Variants in ACTN3 observed in about 807,000 individuals in gnomAD.
The protein encoded by ACTN3 is actinin alpha 3.
Under a neutral mutation model 119.6 loss-of-function variants are expected in ACTN3, and 91 were observed. The ratio of observed to expected loss-of-function variants is 0.76; its 90% CI spans 0.64 to 0.91. ACTN3 has a LOEUF of 0.91. Ranked by LOEUF, ACTN3 falls within the 40% of genes least tolerant of loss-of-function variation. The probability of loss-of-function intolerance (pLI) is 0.00; values close to 1 mark genes in which losing one functional copy is unlikely to be tolerated. For missense variants in ACTN3, 1,221 were observed against 1,215.1 expected (o/e 1.00, Z -0.07); for synonymous variants, 456 against 478.8 (o/e 0.95, Z 0.62).
chr11:66,562,814 C>T lies in ACTN3; in HGVS notation c.2407C>T (p.Arg803Cys), dbSNP rs187702310. 6.7e-5 allele frequency: 108 copies of T among 1,610,578 alleles called. No homozygotes were observed. The Admixed American group carries it at 1.3e-3, about 19-fold the overall frequency. Residue 803 changes from arginine to cysteine, a missense_variant, in exon 20 of 21, where the codon CGC (arginine) becomes TGC (cysteine). By Grantham distance (180) the Arg-to-Cys change is radical. This residue lies in a region of ACTN3 where 934 missense variants were observed against 899.9 expected (regional missense o/e 1.04). Coordinates refer to ENST00000513398, the MANE Select transcript of ACTN3 (RefSeq NM_001104.4). ...GYDLGEVEFA[R>C]IMTMVDPNAA... ...CCTGCAGGGGGAAGTGGAGTTTGCT[C>T]GCATCATGACCATGGTGGACCCCAA...
intron 1 of ACTN3, among the ~76,000 whole-genome samples, chr11:66,549,235 A>G (rs1481904482): frequency 6.6e-6 from 1 of 152,156 alleles, no homozygotes; most frequent in Non-Finnish European, 1.5e-5. Flanking sequence ...CCCCTGCCTG[A>G]AATGCCCTTG....
intron 3 of ACTN3, 118 bp from the exon 4 acceptor site, chr11:66,553,927 C>G: frequency 1.5e-6 from 1 of 674,796 alleles, no homozygotes; most frequent in Non-Finnish European, 2.5e-6. Context: ...CTACTAGGTG[C>G]CAGCCCTGAA....
chr11:66,546,659 T>C (rs1590801066), upstream of ACTN3: 1 of 1,530,480 alleles, frequency 6.5e-7, no homozygotes, highest in Non-Finnish European at 8.8e-7. Flanking sequence ...AGAGGTCCCG[T>C]GGATTTCTCA....
intron 11 of ACTN3, chr11:66,558,946 G>T: frequency 3.0e-6 from 1 of 329,170 alleles, no homozygotes; most frequent in Non-Finnish European, 5.5e-6. Context: ...AGGGGCTCAT[G>T]GGGGTTACAG....
Position 66,562,135 on chromosome 11 carries a change from C to T in ACTN3, c.2289C>T (p.Asn763=), listed in dbSNP as rs377029613. The T allele has an allele frequency of 9.9e-6, 16 of 1,613,944 alleles. No homozygotes were observed. Among genetic ancestry groups the T allele is most frequent in the African/African-American group, 6.7e-5 (5 of 74,918 alleles). The change falls in exon 18 of 21, where the codon AAC becomes AAT. Residue 763 remains asparagine, a synonymous_variant. Coordinates refer to ENST00000513398, the MANE Select transcript of ACTN3 (RefSeq NM_001104.4). Reference sequence around the variant, plus strand: ...AGGGACTGAGCCAGGAGCAGCTCAACGAGTTCCGAGCATCCTTCAACCACT... The same window carrying T: ...AGGGACTGAGCCAGGAGCAGCTCAATGAGTTCCGAGCATCCTTCAACCACT... The part of the protein sequence containing the change: ...DAKGLSQEQL[N]EFRASFNHFD...
chr11:66,555,116 TTCTC>T lies in ACTN3; in HGVS notation c.558-10_558-7del. ...CTTGAACCCAGGCCTGACCCCCCTCTTCTCTCTGTCCAGCTGGAAGGATGGCCTG... is the reference window on the plus strand; with the variant it reads ...CTTGAACCCAGGCCTGACCCCCCTCTTCTGTCCAGCTGGAAGGATGGCCTG... On this transcript the variant is annotated splice_polypyrimidine_tract_variant and intron_variant, in intron 5 of 20. Transcript: ENST00000513398. The T allele has an allele frequency of 6.2e-7, 1 of 1,613,666 alleles. No homozygotes were observed. Among genetic ancestry groups the T allele is most frequent in the Non-Finnish European group, 8.5e-7 (1 of 1,179,772 alleles).
upstream of ACTN3, chr11:66,546,699 G>A: frequency 1.3e-6 from 2 of 1,534,650 alleles, no homozygotes; most frequent in Non-Finnish European, 1.7e-6. Context: ...CAGCGGAGCA[G>A]GAATGCAAAC....
At position 66,558,062 on chromosome 11, in the gene ACTN3, G is replaced by A. The variant is rs753091690; in HGVS notation, c.1164G>A (p.Val388=). The change falls in exon 11 of 21, where the codon GTG becomes GTA. Residue 388 remains valine, a synonymous_variant. Transcript: ENST00000513398. ...IANAWRGLEQ[V]EKGYEDWLLS... is the part of the protein sequence containing the mutation. ...ACGCCTGGCGGGGGCTGGAGCAGGTGGAAAAGGGCTATGAGGACTGGCTGC... is the reference window on the plus strand; with the variant it reads ...ACGCCTGGCGGGGGCTGGAGCAGGTAGAAAAGGGCTATGAGGACTGGCTGC... 17 of 1,613,784 alleles carry A rather than the reference G, an allele frequency of 1.1e-5. No homozygotes were observed. Among genetic ancestry groups the A allele is most frequent in the African/African-American group, 2.7e-5 (2 of 74,946 alleles).
Position 66,551,305 on chromosome 11 carries a change from G to A in ACTN3, c.214G>A (p.Asp72Asn). 1.2e-6 allele frequency: 2 copies of A among 1,612,288 alleles called. No homozygotes were observed. The highest frequency in any genetic ancestry group is 1.7e-6 in the Non-Finnish European group (2 of 1,179,200). ...CACCCAGATCGAGAACATCGAGGAA[G>A]ATTTCCGCAATGGCCTCAAACTCAT... Reference protein sequence around the residue: ...AGTQIENIEEDFRNGLKLMLL... With the variant: ...AGTQIENIEENFRNGLKLMLL... Residue 72 changes from aspartate to asparagine, a missense_variant, in exon 2 of 21, where the codon GAT (aspartate) becomes AAT (asparagine). Physicochemically the swap from Asp to Asn is conservative, Grantham distance 23 (BLOSUM62 1). Transcript: ENST00000513398.
intron 3 of ACTN3, 21 bp downstream of exon 3, chr11:66,551,668 G>A: frequency 1.2e-6 from 2 of 1,612,692 alleles, no homozygotes; most frequent in East Asian, 2.2e-5. Flanking sequence ...GGCAGGAAGG[G>A]TCTTGGGCAG....
chr11:66,549,174 C>T (rs1857422833), intron 1 of ACTN3, among the ~76,000 whole-genome samples: 1 of 152,224 alleles, frequency 6.6e-6, no homozygotes, highest in African/African-American at 2.4e-5. Flanking sequence ...TGTAGTCTGA[C>T]AAATGTAGCA....
intron 2 of ACTN3, 81 bp from the exon 3 acceptor site, chr11:66,551,447 G>T: frequency 1.3e-6 from 2 of 1,569,764 alleles, no homozygotes; most frequent in Non-Finnish European, 1.7e-6. Flanking sequence ...ACGGGACTTG[G>T]TGGGGAGGGG....
rs759411497 is a variant in ACTN3 at position 66,557,892 on chromosome 11, G to A, written c.1091G>A (p.Arg364Gln). 1.3e-5 allele frequency: 21 copies of A among 1,614,048 alleles called. No individual in the cohort carries two copies. The highest frequency in any genetic ancestry group is 1.6e-4 in the Middle Eastern group (1 of 6,062). The change falls in exon 10 of 21, where the codon CGG (arginine) becomes CAG (glutamine). Residue 364 changes from arginine (R) to glutamine (Q), a missense_variant. Transcript: ENST00000513398. ...TLQTKLRLSH[R>Q]PAFMPSEGKL... ...CAGACCAAGTTGCGGCTCAGCCACC[G>A]GCCTGCCTTCATGCCCTCCGAGGGC...
chr11:66,560,612 C>A lies in ACTN3; in HGVS notation c.1717C>A (p.Pro573Thr). The change falls in exon 15 of 21, where the codon CCC (proline) becomes ACC (threonine). Residue 573 changes from proline (P) to threonine (T), a missense_variant. Physicochemically the swap from Pro to Thr is conservative, Grantham distance 38. Around this residue, in one of 3 missense-constraint regions of ACTN3, gnomAD observed 934 missense variants for 899.9 expected, o/e 1.04. Transcript: ENST00000513398. ...TAHDQFKATLPEADRERGAIM... is the reference protein window; with the variant it reads ...TAHDQFKATLTEADRERGAIM... ...GCACGATCAGTTCAAGGCAACACTG[C>A]CCGAGGCTGACCGAGAGCGAGGTGC... The A allele has an allele frequency of 6.2e-7, 1 of 1,613,560 alleles. No individual in the cohort carries two copies. The highest frequency in any genetic ancestry group is 8.5e-7 in the Non-Finnish European group (1 of 1,179,836).
Position 66,557,157 on chromosome 11 carries a change from T to C in ACTN3, c.829T>C (p.Cys277Arg). ...EQAETAANRI[C>R]KVLAVNQENE... ...GGCAGAGACAGCTGCCAACAGGATC[T>C]GCAAGGTGCTGGCAGTGAACCAGGA... The change falls in exon 9 of 21, where the codon TGC (cysteine) becomes CGC (arginine). Residue 277 changes from cysteine (C) to arginine (R), a missense_variant. By Grantham distance (180) the Cys-to-Arg change is radical. This residue lies in a region of ACTN3 where 934 missense variants were observed against 899.9 expected (regional missense o/e 1.04). Transcript: ENST00000513398. 6.4e-7 allele frequency: 1 copy of C among 1,553,290 alleles called. No individual in the cohort carries two copies. The highest frequency in any genetic ancestry group is 8.7e-7 in the Non-Finnish European group (1 of 1,147,890).
Position 66,561,500 on chromosome 11 carries a change from G to C in ACTN3, c.2038G>C (p.Glu680Gln). 1 of 1,605,058 alleles carries C rather than the reference G, an allele frequency of 6.2e-7. No individual in the cohort carries two copies. The highest frequency in any genetic ancestry group is 8.5e-7 in the Non-Finnish European group (1 of 1,175,944). ...LAAGLAGSLE[E>Q]QMAGLRQQEQ... ...AGCAGGGCTAGCTGGCTCTCTGGAG[G>C]AGCAGATGGCTGGGCTACGGCAGCA... Residue 680 changes from glutamate to glutamine, a missense_variant, in exon 17 of 21, where the codon GAG becomes CAG. Physicochemically the swap from Glu to Gln is conservative, Grantham distance 29. Around this residue, in one of 3 missense-constraint regions of ACTN3, gnomAD observed 934 missense variants for 899.9 expected, o/e 1.04. Transcript: ENST00000513398.
chr11:66,555,994 A>G (rs1224494410), intron 7 of ACTN3, 151 bp from the exon 8 acceptor site: 4 of 650,774 alleles, frequency 6.1e-6, no homozygotes, highest in Non-Finnish European at 7.8e-6. Context: ...GTAAGGAGAG[A>G]GGGCTTCAAG....
In ACTN3 at chr11:66,560,651, C is replaced by T. The variant is rs768957946; in HGVS notation, c.1756C>T (p.Gln586Ter). ...DRERGAIMGI[Q>*]GEIQKICQTY... ...AGAGCGAGGTGCCATCATGGGCATCCAGGGTGAGATCCAGAAGATCTGCCA... is the reference window on the plus strand; with the variant it reads ...AGAGCGAGGTGCCATCATGGGCATCTAGGGTGAGATCCAGAAGATCTGCCA... The change falls in exon 15 of 21, where the codon CAG becomes TAG. Residue 586 changes from glutamine to a stop codon, truncating the protein, a stop_gained. Transcript: ENST00000513398. LOFTEE classifies it high-confidence loss of function. 6.5e-5 allele frequency: 105 copies of T among 1,613,798 alleles called. No individual in the cohort carries two copies. The highest frequency in any genetic ancestry group is 8.6e-5 in the Non-Finnish European group (101 of 1,179,894).
chr11:66,556,306 G>A (rs1225523061), intron 8 of ACTN3, 76 bp downstream of exon 8: 3 of 1,433,778 alleles, frequency 2.1e-6, no homozygotes, highest in Non-Finnish European at 2.9e-6. Context: ...AACATTGGAG[G>A]CGCCAGACCA....
Sources: allele counts gnomAD v4.1 joint callset (sites outside exome capture counted in the v4.1 genomes callset), GRCh38; gene constraint gnomAD v4.1.1; regional missense constraint gnomAD v4.1.1; transcripts MANE v1.5; gene names NCBI Gene and HGNC (gene_info 2026-07-23, HGNC 2026-07-21).